WAC: variants seen among roughly 807,000 people sequenced by gnomAD.
WAC encodes the protein WW domain containing adaptor with coiled-coil.
In WAC, 11 loss-of-function variants were observed where a neutral mutation model predicts 79.6. The observed-to-expected ratio is 0.14, with a 90% CI of 0.09 to 0.23. WAC has a LOEUF of 0.23. Among genes scored for constraint, WAC ranks in the 10% least tolerant of loss-of-function variants. WAC has a pLI of 1.00. For synonymous variants in WAC, 304 were observed against 276.9 expected (o/e 1.10, Z -0.97); for missense variants, 728 against 773.5 (o/e 0.94, Z 0.70).
Position 28,593,613 on chromosome 10 carries a change from C to T in WAC, c.611-2120C>T, listed in dbSNP as rs1018824341. 2.0e-5 allele frequency among the ~76,000 whole-genome samples: 3 copies of T among 151,416 alleles called. No homozygotes were observed. In the South Asian group the frequency reaches 6.3e-4, roughly 32 times the overall value. On this transcript the variant is annotated intron_variant, in intron 6 of 13. Transcript: ENST00000354911. The stretch of plus-strand genomic sequence containing the variant: ...TGAAACCCCGTCTCTACTAAAAATA[C>T]AAAAATAAGCTGGGCGTGGTGGTGC...
At chr10:28,593,124 T>C (rs1197095618) in intron 6 of WAC, among the ~76,000 whole-genome samples, 2 of 152,232 alleles carry the variant, frequency 1.3e-5, no homozygotes, top group African/African-American at 2.4e-5. Flanking sequence ...AATGTAGTCA[T>C]GTATCACACT....
At chr10:28,603,062 G>T (rs373796336) in intron 7 of WAC, among the ~76,000 whole-genome samples, 5 of 152,072 alleles carry the variant, frequency 3.3e-5, no homozygotes, top group African/African-American at 1.2e-4. Context: ...AAGATCATAG[G>T]CACACACAAG....
intron 12 of WAC, among the ~76,000 whole-genome samples, chr10:28,617,261 G>GAAT (rs1182328639): frequency 6.6e-6 from 1 of 152,180 alleles, no homozygotes; most frequent in Non-Finnish European, 1.5e-5. Context: ...AGTTTACAGA[G>GAAT]AATATGTTGT....
At chr10:28,608,699 C>T (rs1841079169) in intron 8 of WAC, 1 of 391,266 alleles carries the variant, frequency 2.6e-6, no homozygotes, top group African/African-American at 2.1e-5. Flanking sequence ...TGGAGGTAAG[C>T]CATTCTATAT....
chr10:28,578,176 A>C (rs1280644287), intron 3 of WAC, among the ~76,000 whole-genome samples: 8 of 151,764 alleles, frequency 5.3e-5, no homozygotes, highest in Admixed American at 2.0e-4. Context: ...CAAAACAAAA[A>C]AATTTAAAAA....
intron 6 of WAC, 110 bp from the exon 7 acceptor site, chr10:28,595,623 T>C (rs1840322258): frequency 1.9e-6 from 2 of 1,069,162 alleles, no homozygotes; most frequent in Non-Finnish European, 2.7e-6. Flanking sequence ...AATATGTAAG[T>C]ACAAGTATGT....
At chr10:28,605,336 C>T (rs183889708) in intron 7 of WAC, among the ~76,000 whole-genome samples, 10 of 152,346 alleles carry the variant, frequency 6.6e-5, no homozygotes, top group African/African-American at 2.2e-4. Context: ...TAGATATGCC[C>T]AGGCTTCCGT....
Position 28,616,195 on chromosome 10 carries a change from G to A in WAC, c.1579G>A (p.Gly527Ser). The A allele has an allele frequency of 6.2e-7, 1 of 1,604,988 alleles. No homozygotes were observed. Among genetic ancestry groups the A allele is most frequent in the Non-Finnish European group, 8.5e-7 (1 of 1,174,294 alleles). Residue 527 changes from glycine to serine, a missense_variant, in exon 12 of 14, where the codon GGT becomes AGT. Gly to Ser is a moderately conservative substitution (Grantham distance 56, BLOSUM62 0). This residue lies in a region of WAC where 648 missense variants were observed against 661.5 expected (regional missense o/e 0.98). Transcript: ENST00000354911. ...TAGTAGCCAGAGAAGTCCATCACCTGGTCCCAATCATACTTCTAATAGTAG... is the reference window on the plus strand; with the variant it reads ...TAGTAGCCAGAGAAGTCCATCACCTAGTCCCAATCATACTTCTAATAGTAG... ...RSSSQRSPSPGPNHTSNSSNA... is the reference protein window; with the variant it reads ...RSSSQRSPSPSPNHTSNSSNA...
intron 10 of WAC, among the ~76,000 whole-genome samples, chr10:28,614,153 G>T (rs893593135): frequency 6.6e-6 from 1 of 151,744 alleles, no homozygotes; most frequent in East Asian, 1.9e-4. Context: ...TCGCCCAGGC[G>T]GGAGTGCTGT....
intron 3 of WAC, among the ~76,000 whole-genome samples, chr10:28,571,635 C>T (rs561927021): frequency 1.3e-5 from 2 of 152,358 alleles, no homozygotes; most frequent in African/African-American, 4.8e-5. Context: ...CAGATGAAAG[C>T]GCAGCATGTA....
chr10:28,620,496 A>C lies in WAC; in HGVS notation c.*890A>C, dbSNP rs955551845. ...GGGGAAAGAGGAAACAGAGCTAGTCAGATGTGAATTGTATCTGTTGTAATA... is the reference window on the plus strand; with the variant it reads ...GGGGAAAGAGGAAACAGAGCTAGTCCGATGTGAATTGTATCTGTTGTAATA... On this transcript the variant is annotated 3_prime_UTR_variant, in exon 14 of 14. Coordinates refer to ENST00000354911, the MANE Select transcript of WAC (RefSeq NM_016628.5). 6.5e-6 allele frequency: 1 copy of C among 152,700 alleles called. No homozygotes were observed. Among genetic ancestry groups the C allele is most frequent in the Non-Finnish European group, 1.5e-5 (1 of 68,054 alleles). 9.5% of individuals were successfully genotyped at this position (152,700 alleles called of 1,614,324 possible).
At position 28,601,926 on chromosome 10, in the gene WAC, G is replaced by T. The variant is rs1840667248; in HGVS notation, c.919+5885G>T. Among the ~76,000 whole-genome samples the T allele has an allele frequency of 3.9e-5, 6 of 152,278 alleles. No homozygotes were observed. The South Asian group carries it at 1.2e-3, about 32-fold the overall frequency. On this transcript the variant is annotated intron_variant, in intron 7 of 13. Coordinates refer to ENST00000354911, the MANE Select transcript of WAC (RefSeq NM_016628.5). Reference sequence around the variant, plus strand: ...GGGTGGGAGTGGGTGTTAAGTTTCTGTTTGGGAAGATGAAAATGTTCTGGA... The same window carrying T: ...GGGTGGGAGTGGGTGTTAAGTTTCTTTTTGGGAAGATGAAAATGTTCTGGA...
chr10:28,570,349 T>C (rs1157836197), intron 3 of WAC, among the ~76,000 whole-genome samples: 1 of 152,230 alleles, frequency 6.6e-6, no homozygotes, highest in African/African-American at 2.4e-5. Context: ...CTTATAATAG[T>C]TGTATTTAAT....
intron 3 of WAC, among the ~76,000 whole-genome samples, chr10:28,555,460 C>T (rs1837930113): frequency 6.6e-6 from 1 of 151,688 alleles, no homozygotes; most frequent in South Asian, 2.1e-4. Flanking sequence ...GGGACTATTG[C>T]AGTAGATACA....
intron 3 of WAC, among the ~76,000 whole-genome samples, chr10:28,557,822 C>T (rs931394743): frequency 6.6e-6 from 1 of 152,090 alleles, no homozygotes; most frequent in African/African-American, 2.4e-5. Flanking sequence ...CGCCTGTAAT[C>T]CCAGCGCTTT....
chr10:28,564,374 T>C (rs1477690569), intron 3 of WAC, among the ~76,000 whole-genome samples: 1 of 152,186 alleles, frequency 6.6e-6, no homozygotes, highest in Non-Finnish European at 1.5e-5. Context: ...GGATTAAGTT[T>C]TGATGCTGAC....
At chr10:28,613,560 T>G (rs1302345196) in intron 10 of WAC, among the ~76,000 whole-genome samples, 1 of 152,220 alleles carries the variant, frequency 6.6e-6, no homozygotes, top group Non-Finnish European at 1.5e-5. Context: ...TTCCAAAAAC[T>G]TCTTCAAGTT....
rs1047312225 is a variant in WAC, at chr10:28,535,540, T to C, written c.79-22T>C. 5.9e-6 allele frequency: 9 copies of C among 1,531,042 alleles called. No homozygotes were observed. The African/African-American group carries it at 1.3e-4, about 21-fold the overall frequency. The allele number at this position is 1,531,042 out of a possible 1,614,324, so 94.8% of individuals were successfully genotyped here. On this transcript the variant is annotated intron_variant, in intron 2 of 13. Transcript: ENST00000354911. ...AGGTTTCAATTCTTTCTCTCTTTTT[T>C]TGGGGGGGTGATGTTTTACAGGCAC...
rs532714816 is a variant in WAC at position 28,623,110 on chromosome 10, T to G, written c.*3504T>G. 3.7e-4 allele frequency: 56 copies of G among 152,350 alleles called. No homozygotes were observed. The highest frequency in any genetic ancestry group is 1.3e-3 in the African/African-American group (53 of 41,586). 9.4% of individuals were successfully genotyped at this position (152,350 alleles called of 1,614,324 possible). A position where few individuals can be genotyped will look rare whatever the true frequency, so the allele number is the denominator to read the frequency against. On this transcript the variant is annotated 3_prime_UTR_variant, in exon 14 of 14. Coordinates refer to ENST00000354911, the MANE Select transcript of WAC (RefSeq NM_016628.5). Reference sequence around the variant, plus strand: ...AAAATACAGATTACTGCTGAGATTTTAATCAGTCGGTGTGTTTCAATAGTC... The same window carrying G: ...AAAATACAGATTACTGCTGAGATTTGAATCAGTCGGTGTGTTTCAATAGTC...
Sources: gnomAD v4.1 joint callset for allele counts (sites outside exome capture counted in the v4.1 genomes callset) on GRCh38, gnomAD v4.1.1 for gene constraint, gnomAD v4.1.1 regional missense constraint, MANE v1.5 for transcripts, NCBI Gene and HGNC (gene_info 2026-07-23, HGNC 2026-07-21) for gene names.